Variants in PITPNM2 observed in about 807,000 individuals in gnomAD.
PITPNM2 encodes membrane-associated phosphatidylinositol transfer protein 2.
A neutral mutation model predicts 132.2 loss-of-function variants in PITPNM2; 35 were observed. The ratio of observed to expected loss-of-function variants is 0.26; its 90% CI spans 0.20 to 0.35. PITPNM2 has a LOEUF of 0.35. Ranked by LOEUF, PITPNM2 falls within the 10% of genes least tolerant of loss-of-function variation. The pLI is 1.00. For missense variants in PITPNM2, 1,332 were observed against 1,912.0 expected (o/e 0.70, Z 5.66); for synonymous variants, 738 against 799.2 (o/e 0.92, Z 1.29).
At chr12:123,143,325 C>T (rs973710807) in intron 1 of PITPNM2, among the ~76,000 whole-genome samples, 1 of 152,180 alleles carries the variant, frequency 6.6e-6, no homozygotes, top group African/African-American at 2.4e-5. Flanking sequence ...AAGTGCACAG[C>T]CCTGCTCCAC....
Position 123,000,578 on chromosome 12 carries a change from A to C in PITPNM2, c.1224+200T>G. 1.5e-6 allele frequency: 1 copy of C among 674,028 alleles called. No individual in the cohort carries two copies. Among genetic ancestry groups the C allele is most frequent in the Admixed American group, 2.3e-5 (1 of 43,514 alleles). 41.8% of individuals were successfully genotyped at this position (674,028 alleles called of 1,614,324 possible). ...AGTCCCTGGTTCTCGGGGACCTCAG[A>C]GACAGAGGGCGACAGGCGCCTTCCT... On this transcript the variant is annotated intron_variant, in intron 10 of 25. Transcript: ENST00000320201. The surrounding 1 kb of genome is among the most constrained non-coding windows in gnomAD (Gnocchi z 5.4).
In PITPNM2 at chr12:122,989,825, TCCAGG is replaced by T; in HGVS notation, c.2688_2692del (p.Leu897GlufsTer7). 1 of 1,357,542 alleles carries T rather than the reference TCCAGG, an allele frequency of 7.4e-7. No homozygotes were observed. The highest frequency in any genetic ancestry group is 9.5e-7 in the Non-Finnish European group (1 of 1,049,178). 84.1% of individuals were successfully genotyped at this position (1,357,542 alleles called of 1,614,324 possible). A position where few individuals can be genotyped will look rare whatever the true frequency, so the allele number is the denominator to read the frequency against. Reference sequence around the variant, plus strand: ...CAGCTCAGGGAGGCCAGGGGCCCTCTCCAGGCCAGGGCTTGCCTTCCTGGCTGGAG... The same window carrying T: ...CAGCTCAGGGAGGCCAGGGGCCCTCTCCAGGGCTTGCCTTCCTGGCTGGAG... On this transcript the variant is annotated frameshift_variant, in exon 18 of 26. Coordinates refer to ENST00000320201, the MANE Select transcript of PITPNM2 (RefSeq NM_020845.3). LOFTEE classifies it high-confidence loss of function.
rs2037990367 is a variant in PITPNM2 at position 122,987,567 on chromosome 12, G to A, written c.3207C>T (p.Thr1069=). Residue 1069 remains threonine (T), a synonymous_variant, in exon 22 of 26, where the codon ACC becomes ACT. Transcript: ENST00000320201. The part of the protein sequence containing the change: ...VTNNSGRVSY[T]IPESHRLGVG... ...CGCCCAGGCGGTGCGACTCAGGGAT[G>A]GTGTAGGAGACACGCCCACTGTTGT... The A allele has an allele frequency of 1.9e-6, 3 of 1,613,820 alleles. No individual in the cohort carries two copies. Among genetic ancestry groups the A allele is most frequent in the Non-Finnish European group, 2.5e-6 (3 of 1,180,000 alleles).
At chr12:123,151,731 G>A (rs1398588558), upstream of PITPNM2, among the ~76,000 whole-genome samples, 3 of 152,188 alleles carry the variant, frequency 2.0e-5, no homozygotes, top group Non-Finnish European at 2.9e-5. Flanking sequence ...CGGTGGGGGA[G>A]CGCCTGGTGA....
rs562059465 is a variant in PITPNM2, at chr12:123,099,006, A to G, written c.-96+11379T>C. Among the ~76,000 whole-genome samples, 1 of 152,176 alleles carries G rather than the reference A, an allele frequency of 6.6e-6. No homozygotes were observed. Among genetic ancestry groups the G allele is most frequent in the South Asian group, 2.1e-4 (1 of 4,828 alleles). ...TTTGAAATGCTCCCTCTTGTATGAAATCTTCTCCATCAGATGTCAGCTGCT... is the reference window on the plus strand; with the variant it reads ...TTTGAAATGCTCCCTCTTGTATGAAGTCTTCTCCATCAGATGTCAGCTGCT... On this transcript the variant is annotated intron_variant, in intron 2 of 25. Transcript: ENST00000320201. The surrounding 1 kb of genome is among the most constrained non-coding windows in gnomAD (Gnocchi z 4.2).
chr12:123,067,258 C>A (rs950100706), intron 2 of PITPNM2, among the ~76,000 whole-genome samples: 5 of 152,032 alleles, frequency 3.3e-5, no homozygotes, highest in Non-Finnish European at 7.4e-5. Context: ...GAGTTCGAGA[C>A]CAGCATGGGC....
At position 122,994,955 on chromosome 12, in the gene PITPNM2, A is replaced by G; in HGVS notation, c.2079T>C (p.Thr693=). ...TGCTGGAATGGCGTGAGCAGGGCTC[A>G]GTCCTCAGCACGCTGGCATGGAGGC... ...LSSLHASVLR[T]EPCSRHSSSS... The change falls in exon 15 of 26, where the codon ACT becomes ACC. Residue 693 remains threonine, a synonymous_variant. Transcript: ENST00000320201. The surrounding 1 kb of genome is among the most constrained non-coding windows in gnomAD (Gnocchi z 5.4). 6.2e-7 allele frequency: 1 copy of G among 1,609,752 alleles called. No homozygotes were observed.
chr12:123,046,875 C>T (rs935759822), intron 2 of PITPNM2, among the ~76,000 whole-genome samples: 4 of 152,322 alleles, frequency 2.6e-5, no homozygotes, highest in African/African-American at 4.8e-5. Context: ...GCCCCTATTA[C>T]TCAGTAAGTG....
In PITPNM2 at chr12:122,985,432, G is replaced by A. The variant is rs2037895972; in HGVS notation, c.*595C>T. ...TACAGCCTTTCTCTCCTGCTTGCAC[G>A]AGGCTCTGCCGCACTGGAGCCTTCA... On this transcript the variant is annotated 3_prime_UTR_variant, in exon 26 of 26. Coordinates refer to ENST00000320201, the MANE Select transcript of PITPNM2 (RefSeq NM_020845.3). The A allele has an allele frequency of 6.6e-6, 1 of 152,550 alleles. No individual in the cohort carries two copies. Among genetic ancestry groups the A allele is most frequent in the Non-Finnish European group, 1.5e-5 (1 of 68,066 alleles). 9.4% of individuals were successfully genotyped at this position (152,550 alleles called of 1,614,324 possible). A position where few individuals can be genotyped will look rare whatever the true frequency, so the allele number is the denominator to read the frequency against.
rs57863319 is a variant in PITPNM2 at position 123,005,925 on chromosome 12, C to T, written c.644-377G>A. 6,585 of 193,778 alleles carry T rather than the reference C, an allele frequency of 0.034. 461 individuals are homozygous for T. Among genetic ancestry groups the T allele is most frequent in the African/African-American group, 0.15 (6,142 of 41,578 alleles). The allele number at this position is 193,778 out of a possible 1,614,324, so 12.0% of individuals were successfully genotyped here. ...TCAGCCTGGGCAACGAAACAAGACCCTGTCTCTATAAAAAAAAAAAAAATT... is the reference window on the plus strand; with the variant it reads ...TCAGCCTGGGCAACGAAACAAGACCTTGTCTCTATAAAAAAAAAAAAAATT... On this transcript the variant is annotated intron_variant, in intron 6 of 25. Transcript: ENST00000320201. This position sits in a 1 kb window ranked among gnomAD's most constrained non-coding sequence, Gnocchi z 6.2.
At chr12:122,999,368 G>A (rs1430443973) in intron 10 of PITPNM2, among the ~76,000 whole-genome samples, 1 of 152,210 alleles carries the variant, frequency 6.6e-6, no homozygotes, top group Non-Finnish European at 1.5e-5. Context: ...GGCAGAGGGG[G>A]CCACCAGCTG....
intron 1 of PITPNM2, among the ~76,000 whole-genome samples, chr12:123,118,735 C>T (rs907688057): frequency 6.6e-6 from 1 of 152,216 alleles, no homozygotes; most frequent in Non-Finnish European, 1.5e-5. Flanking sequence ...GCCCCGCCTG[C>T]GGCCTGACTG....
intron 2 of PITPNM2, among the ~76,000 whole-genome samples, chr12:123,057,289 A>G (rs2041063798): frequency 6.6e-6 from 1 of 151,596 alleles, no homozygotes; most frequent in Admixed American, 6.6e-5. Context: ...CTGAGGCAGG[A>G]GAATCGCTTG....
intron 1 of PITPNM2, among the ~76,000 whole-genome samples, chr12:123,140,767 G>T (rs191713682): frequency 6.6e-6 from 1 of 152,044 alleles, no homozygotes; most frequent in East Asian, 1.9e-4. Context: ...CAGCCTACAG[G>T]TGCATGGCTG....
Position 123,077,900 on chromosome 12 carries a change from T to C in PITPNM2, c.-96+32485A>G, listed in dbSNP as rs1434406843. Among the ~76,000 whole-genome samples, 1 of 152,074 alleles carries C rather than the reference T, an allele frequency of 6.6e-6. No individual in the cohort carries two copies. The highest frequency in any genetic ancestry group is 1.9e-4 in the East Asian group (1 of 5,184). On this transcript the variant is annotated intron_variant, in intron 2 of 25. Transcript: ENST00000320201. The surrounding 1 kb of genome is among the most constrained non-coding windows in gnomAD (Gnocchi z 4.8). Reference sequence around the variant, plus strand: ...GGGTCGCGCAGCAGCCTCCCATCCCTGCAGAGGTCCGCTGAGCTCCCCATG... The same window carrying C: ...GGGTCGCGCAGCAGCCTCCCATCCCCGCAGAGGTCCGCTGAGCTCCCCATG...
Position 123,129,607 on chromosome 12 carries a change from A to G in PITPNM2, c.-199-19119T>C, listed in dbSNP as rs147399791. 6.2e-3 allele frequency among the ~76,000 whole-genome samples: 937 copies of G among 152,310 alleles called. 35 individuals carry two copies. The highest frequency in any genetic ancestry group is 0.053 in the Admixed American group (816 of 15,290). On this transcript the variant is annotated intron_variant, in intron 1 of 25. Coordinates refer to ENST00000320201, the MANE Select transcript of PITPNM2 (RefSeq NM_020845.3). The stretch of plus-strand genomic sequence containing the variant: ...ATTAAATGGATAGTGAACTTTATCA[A>G]ATGCTTTTCTGGCATCAACTGAAAG...
chr12:123,128,339 G>T (rs2043190521), intron 1 of PITPNM2, among the ~76,000 whole-genome samples: 1 of 146,148 alleles, frequency 6.8e-6, no homozygotes, highest in South Asian at 2.2e-4. Flanking sequence ...CTACTTAGGA[G>T]GCTGAGGTGG....
At chr12:123,060,127 GA>G (rs2041182448) in intron 2 of PITPNM2, among the ~76,000 whole-genome samples, 1 of 152,064 alleles carries the variant, frequency 6.6e-6, no homozygotes, top group African/African-American at 2.4e-5. Context: ...AGCACAAATC[GA>G]GGGTGAGTTT....
Position 123,064,181 on chromosome 12 carries a change from C to T in PITPNM2, c.-95-29496G>A, listed in dbSNP as rs369477159. Among the ~76,000 whole-genome samples the T allele has an allele frequency of 8.9e-4, 135 of 152,330 alleles. No individual in the cohort carries two copies. The highest frequency in any genetic ancestry group is 1.4e-3 in the Non-Finnish European group (96 of 68,038). On this transcript the variant is annotated intron_variant, in intron 2 of 25. Transcript: ENST00000320201. The surrounding 1 kb of genome is among the most constrained non-coding windows in gnomAD (Gnocchi z 4.0). Reference sequence around the variant, plus strand: ...GGGTTGGGGCCGTTGCTCACTGTTTCGACCCTCCCAGCAACGCTGCCAGCA... The same window carrying T: ...GGGTTGGGGCCGTTGCTCACTGTTTTGACCCTCCCAGCAACGCTGCCAGCA...
Sources: allele counts gnomAD v4.1 joint callset (sites outside exome capture counted in the v4.1 genomes callset), GRCh38; gene constraint gnomAD v4.1.1; non-coding constraint Gnocchi (gnomAD v3.1); transcripts MANE v1.5; gene names NCBI Gene and HGNC (gene_info 2026-07-23, HGNC 2026-07-21).